The following DCC variants were observed in gnomAD, a reference collection of about 807,000 sequenced individuals.
The protein encoded by DCC is netrin receptor DCC.
In DCC, 58 loss-of-function variants were observed where a neutral mutation model predicts 172.5. The ratio of observed to expected loss-of-function variants is 0.34; its 90% confidence interval spans 0.27 to 0.42. The LOEUF (loss-of-function observed/expected upper bound fraction) is 0.42, where lower values mean the gene tolerates loss of function less well. Among genes scored for constraint, DCC ranks in the 10% least tolerant of loss-of-function variants. DCC has a pLI of 1.00. For synonymous variants in DCC, 709 were observed against 644.5 expected (o/e 1.10, Z -1.52); for missense variants, 1,740 against 1,791.0 (o/e 0.97, Z 0.51).
intron 1 of DCC, among the ~76,000 whole-genome samples, chr18:52,612,302 C>T (rs568050585): frequency 1.6e-4 from 25 of 152,218 alleles, no homozygotes; most frequent in African/African-American, 6.0e-4. Flanking sequence ...CATCTCTCCC[C>T]CCATCCCCTG....
chr18:53,103,111 A>C (rs1359767205), intron 7 of DCC, among the ~76,000 whole-genome samples: 2 of 152,026 alleles, frequency 1.3e-5, no homozygotes, highest in African/African-American at 4.8e-5. Flanking sequence ...GTGATTTCTT[A>C]TTGAGCACTA....
intron 1 of DCC, among the ~76,000 whole-genome samples, chr18:52,515,898 A>T (rs895574188): frequency 1.3e-5 from 2 of 149,854 alleles, no homozygotes; most frequent in African/African-American, 4.9e-5. Context: ...TCAAAACTAA[A>T]CAATAGAAAA....
chr18:52,488,007 A>G (rs2030316632), intron 1 of DCC, among the ~76,000 whole-genome samples: 1 of 152,058 alleles, frequency 6.6e-6, no homozygotes, highest in Non-Finnish European at 1.5e-5. Context: ...ATGGCAAAGC[A>G]TGTCATATGA....
chr18:52,945,472 T>G (rs1019566678), intron 5 of DCC, among the ~76,000 whole-genome samples: 2 of 152,214 alleles, frequency 1.3e-5, no homozygotes, highest in Non-Finnish European at 2.9e-5. Context: ...TATCTAAAAT[T>G]ACAGATAACT....
At chr18:52,991,970 G>A (rs8091154) in intron 5 of DCC, among the ~76,000 whole-genome samples, 2,586 of 152,252 alleles carry the variant, frequency 0.017, 33 homozygotes, top group Non-Finnish European at 0.026. Flanking sequence ...AGTCTGCAAG[G>A]GATGCTGTGA....
chr18:53,215,483 G>T, intron 11 of DCC, 65 bp from the exon 12 acceptor site: 1 of 1,234,698 alleles, frequency 8.1e-7, no homozygotes, highest in Non-Finnish European at 1.2e-6. Context: ...CTTTTTACTA[G>T]ACAGGTGGTA....
At chr18:52,813,555 C>T (rs1026444859) in intron 2 of DCC, among the ~76,000 whole-genome samples, 11 of 151,324 alleles carry the variant, frequency 7.3e-5, no homozygotes, top group South Asian at 2.2e-4. Flanking sequence ...AGTTATATGT[C>T]GGGAAGAAAA....
At chr18:53,395,173 G>A (rs918885740) in intron 17 of DCC, among the ~76,000 whole-genome samples, 1 of 145,742 alleles carries the variant, frequency 6.9e-6, no homozygotes, top group East Asian at 2.0e-4. Flanking sequence ...AAAAAGTAAG[G>A]CTCAGACAGG....
At chr18:52,896,257 G>A (rs1164780252) in intron 2 of DCC, among the ~76,000 whole-genome samples, 1 of 151,974 alleles carries the variant, frequency 6.6e-6, no homozygotes, top group Non-Finnish European at 1.5e-5. Context: ...GTGAATATTT[G>A]TCCACATTAG....
intron 8 of DCC, among the ~76,000 whole-genome samples, chr18:53,159,000 A>AG: frequency 6.8e-6 from 1 of 146,416 alleles, no homozygotes; most frequent in South Asian, 2.4e-4. Context: ...AAAAAAAAAA[A>AG]AAAAAGAAGA....
intron 14 of DCC, among the ~76,000 whole-genome samples, chr18:53,334,507 A>T (rs1210260333): frequency 6.6e-6 from 1 of 152,204 alleles, no homozygotes; most frequent in Non-Finnish European, 1.5e-5. Flanking sequence ...TCATGCAGCC[A>T]TCACCACCAC....
At chr18:53,156,541 G>A (rs979890012) in intron 7 of DCC, among the ~76,000 whole-genome samples, 8 of 151,380 alleles carry the variant, frequency 5.3e-5, no homozygotes, top group African/African-American at 1.7e-4. Context: ...CATAAGAAGA[G>A]TTTTATAGTA....
At chr18:52,852,141 T>C (rs1223796117) in intron 2 of DCC, among the ~76,000 whole-genome samples, 2 of 152,252 alleles carry the variant, frequency 1.3e-5, no homozygotes, top group East Asian at 3.9e-4. Flanking sequence ...TTTGGTAACA[T>C]CTTCAGTTTA....
intron 1 of DCC, among the ~76,000 whole-genome samples, chr18:52,448,887 A>C (rs541179413): frequency 6.6e-6 from 1 of 152,390 alleles, no homozygotes; most frequent in East Asian, 1.9e-4. Flanking sequence ...TGTAAGGTGA[A>C]GAAATTAACA....
At chr18:53,287,451 G>A (rs528974928) in intron 12 of DCC, among the ~76,000 whole-genome samples, 5 of 152,240 alleles carry the variant, frequency 3.3e-5, no homozygotes, top group East Asian at 3.9e-4. Flanking sequence ...ATGAACATTT[G>A]TAAATAAGTT....
At chr18:52,509,880 A>G (rs1210155229) in intron 1 of DCC, among the ~76,000 whole-genome samples, 1 of 152,158 alleles carries the variant, frequency 6.6e-6, no homozygotes, top group African/African-American at 2.4e-5. Context: ...AGGCATGTAG[A>G]TCACCGGAGG....
intron 1 of DCC, among the ~76,000 whole-genome samples, chr18:52,649,724 A>G (rs944962136): frequency 6.6e-6 from 1 of 152,200 alleles, no homozygotes; most frequent in Non-Finnish European, 1.5e-5. Flanking sequence ...ATGTTGCCAC[A>G]AAAAGACATG....
At chr18:52,978,219 G>A (rs946099464) in intron 5 of DCC, among the ~76,000 whole-genome samples, 2 of 151,996 alleles carry the variant, frequency 1.3e-5, no homozygotes, top group African/African-American at 2.4e-5. Flanking sequence ...AATATCACAC[G>A]AGAAAGACAG....
chr18:53,215,927 C>A (rs765479783), intron 12 of DCC, among the ~76,000 whole-genome samples: 1 of 152,134 alleles, frequency 6.6e-6, no homozygotes, highest in Non-Finnish European at 1.5e-5. Flanking sequence ...TATCATATAG[C>A]AATGATGATG....
Sources: gnomAD v4.1 joint callset for allele counts (sites outside exome capture counted in the v4.1 genomes callset) on GRCh38, gnomAD v4.1.1 for gene constraint, MANE v1.5 for transcripts, NCBI Gene and HGNC (gene_info 2026-07-23, HGNC 2026-07-21) for gene names.